Variants in ASTN2 observed in about 807,000 individuals in gnomAD.
ASTN2 encodes the protein astrotactin 2, also known as astrotactin-2.
ASTN2 carries 54 observed loss-of-function variants against 139.8 expected under a neutral mutation model. The observed-to-expected ratio is 0.39, with a 90% CI of 0.31 to 0.48. ASTN2 has a LOEUF of 0.48. ASTN2 is among the 20% of genes least tolerant of loss of function. ASTN2 has a pLI of 0.95. For synonymous variants in ASTN2, 756 were observed against 719.5 expected, an observed-to-expected ratio of 1.05 and a Z score of -0.81; for missense variants, 1,565 against 1,725.1, an observed-to-expected ratio of 0.91 and a Z score of 1.64.
chr9:117,130,184 T>C (rs1402369751), intron 4 of ASTN2, among the ~76,000 whole-genome samples: 4 of 152,066 alleles, frequency 2.6e-5, no homozygotes, highest in South Asian at 2.1e-4. Context: ...TGGCATGCAC[T>C]TGTGGTCTTG....
chr9:117,239,468 T>C (rs1833143533), intron 2 of ASTN2, among the ~76,000 whole-genome samples: 1 of 152,190 alleles, frequency 6.6e-6, no homozygotes, highest in African/African-American at 2.4e-5. Flanking sequence ...TCTGGGCCAC[T>C]GTTGTCGGGG....
intron 17 of ASTN2, among the ~76,000 whole-genome samples, chr9:116,631,743 G>GA (rs960777355): frequency 2.0e-5 from 3 of 152,070 alleles, no homozygotes; most frequent in Non-Finnish European, 4.4e-5. Flanking sequence ...TGTAAAAAAG[G>GA]AAAAAAGATA....
intron 1 of ASTN2, among the ~76,000 whole-genome samples, chr9:117,301,154 C>T (rs529897323): frequency 5.3e-5 from 8 of 152,222 alleles, no homozygotes; most frequent in African/African-American, 7.2e-5. Flanking sequence ...TATTCTCTCC[C>T]GTACCATTTC....
intron 5 of ASTN2, among the ~76,000 whole-genome samples, chr9:117,075,477 G>C (rs913067010): frequency 6.6e-6 from 1 of 151,674 alleles, no homozygotes; most frequent in Non-Finnish European, 1.5e-5. Context: ...TCTGGCAGTG[G>C]TGGGCAGATG....
rs552100941 is a variant in ASTN2, at chr9:116,783,353, T to C, written c.2396+22279A>G. Reference sequence around the variant, plus strand: ...CTCTCTTTCCCTCCCTCCCTCCCTCTCTCTCTCCTTGTCATTCTTCCCTCC... The same window carrying C: ...CTCTCTTTCCCTCCCTCCCTCCCTCCCTCTCTCCTTGTCATTCTTCCCTCC... On this transcript the variant is annotated intron_variant, in intron 13 of 22. Transcript: ENST00000313400. Among the ~76,000 whole-genome samples the C allele has an allele frequency of 7.7e-5, 10 of 129,890 alleles. No individual in the cohort carries two copies. In the East Asian group the frequency reaches 2.5e-3, roughly 33 times the overall value. 85.2% of individuals were successfully genotyped at this position (129,890 alleles called of 152,430 possible).
chr9:117,300,420 T>C (rs1032883934), intron 1 of ASTN2, among the ~76,000 whole-genome samples: 3 of 152,206 alleles, frequency 2.0e-5, no homozygotes, highest in Admixed American at 6.5e-5. Context: ...GTCAAATCAA[T>C]GTATCACTAA....
chr9:116,882,462 C>T (rs1833472487), intron 10 of ASTN2, among the ~76,000 whole-genome samples: 1 of 151,964 alleles, frequency 6.6e-6, no homozygotes, highest in African/African-American at 2.4e-5. Flanking sequence ...GAAAAGGTGA[C>T]AACAGTGGAG....
chr9:116,992,257 A>C (rs1042811509), intron 7 of ASTN2, among the ~76,000 whole-genome samples: 4 of 152,162 alleles, frequency 2.6e-5, no homozygotes, highest in Non-Finnish European at 4.4e-5. Flanking sequence ...GAACCCTCCC[A>C]AAACCTCAAG....
chr9:117,279,024 T>A (rs1004429870), intron 2 of ASTN2, among the ~76,000 whole-genome samples: 1 of 152,206 alleles, frequency 6.6e-6, no homozygotes, highest in Non-Finnish European at 1.5e-5. Flanking sequence ...ATTAAAGGGG[T>A]TGAACTGGAG....
At position 117,214,543 on chromosome 9, in the gene ASTN2, T is replaced by C. The variant is rs1188507825; in HGVS notation, c.830A>G (p.Asn277Ser). Residue 277 changes from asparagine (N) to serine (S), a missense_variant, in exon 3 of 23, where the codon AAT (asparagine) becomes AGT (serine). Physicochemically the swap from Asn to Ser is conservative, Grantham distance 46. Around this residue, in one of 4 missense-constraint regions of ASTN2, gnomAD observed 596 missense variants for 576.8 expected, o/e 1.03. Transcript: ENST00000313400. Reference sequence around the variant, plus strand: ...CCGGATGGGCACGCCAATGACGGAATTGTGGGTTTGCAGCCGGGATGAACG... The same window carrying C: ...CCGGATGGGCACGCCAATGACGGAACTGTGGGTTTGCAGCCGGGATGAACG... ...SFRSSRLQTH[N>S]SVIGVPIRET... 1.2e-6 allele frequency: 2 copies of C among 1,613,468 alleles called. No individual in the cohort carries two copies. Among genetic ancestry groups the C allele is most frequent in the East Asian group, 2.2e-5 (1 of 44,844 alleles).
chr9:116,731,534 T>C (rs1171561936), intron 14 of ASTN2, among the ~76,000 whole-genome samples: 6 of 152,148 alleles, frequency 3.9e-5, no homozygotes, highest in Non-Finnish European at 5.9e-5. Context: ...GTGATTCTCC[T>C]GCCTCGGCCT....
chr9:116,730,564 G>A (rs1828750017), intron 14 of ASTN2, among the ~76,000 whole-genome samples: 1 of 152,066 alleles, frequency 6.6e-6, no homozygotes. Context: ...AGGGAGGAAG[G>A]GAGGGCTATG....
chr9:116,698,535 C>T lies in ASTN2; in HGVS notation c.2806+27236G>A. On this transcript the variant is annotated intron_variant, in intron 16 of 22. Transcript: ENST00000313400. This position sits in a 1 kb window ranked among gnomAD's most constrained non-coding sequence, Gnocchi z 4.4. ...GACAGCTGATGAGGAGGAGCCAGAG[C>T]TCACTGCCAGCTTGCCTCGGGAGCT... The T allele has an allele frequency of 6.2e-7, 1 of 1,613,844 alleles. No individual in the cohort carries two copies. The highest frequency in any genetic ancestry group is 8.5e-7 in the Non-Finnish European group (1 of 1,180,024).
At chr9:116,964,256 T>TGCGCGCGCGCGCGC (rs1289773313) in intron 10 of ASTN2, among the ~76,000 whole-genome samples, 1 of 98,868 alleles carries the variant, frequency 1.0e-5, no homozygotes, top group African/African-American at 3.2e-5. Flanking sequence ...TGTGTGTGTG[T>TGCGCGCGCGCGCGC]GCGCGCGCGC....
At chr9:116,946,098 T>C (rs10983425) in intron 10 of ASTN2, among the ~76,000 whole-genome samples, 74,702 of 151,820 alleles carry the variant, frequency 0.49, 19,027 homozygotes, top group Middle Eastern at 0.62. Context: ...ATGAGAACAG[T>C]AAGACAGAAG....
At chr9:117,004,813 A>G (rs1422454884) in intron 7 of ASTN2, among the ~76,000 whole-genome samples, 1 of 152,194 alleles carries the variant, frequency 6.6e-6, no homozygotes, top group Non-Finnish European at 1.5e-5. Context: ...AGGAAACCTG[A>G]GGTTCTAATC....
chr9:116,744,078 G>C (rs1829170391), intron 13 of ASTN2, among the ~76,000 whole-genome samples: 1 of 152,104 alleles, frequency 6.6e-6, no homozygotes, highest in Non-Finnish European at 1.5e-5. Context: ...AGATTGGGAG[G>C]GGTTAACAAG....
At chr9:117,051,604 C>G (rs1257775720) in intron 5 of ASTN2, among the ~76,000 whole-genome samples, 1 of 152,148 alleles carries the variant, frequency 6.6e-6, no homozygotes, top group Non-Finnish European at 1.5e-5. Flanking sequence ...CTCCAAGGTA[C>G]CCCTTTGGTT....
chr9:116,741,921 T>C (rs946810520), intron 13 of ASTN2, among the ~76,000 whole-genome samples: 2 of 152,220 alleles, frequency 1.3e-5, no homozygotes, highest in Non-Finnish European at 2.9e-5. Context: ...ATTCCTTCAT[T>C]TAACCATTCA....
Sources: gnomAD v4.1 joint callset for allele counts (sites outside exome capture counted in the v4.1 genomes callset) on GRCh38, gnomAD v4.1.1 for gene constraint, gnomAD v4.1.1 regional missense constraint, Gnocchi (gnomAD v3.1) non-coding constraint, MANE v1.5 for transcripts, NCBI Gene and HGNC (gene_info 2026-07-23, HGNC 2026-07-21) for gene names.